Variants in SAXO1 observed in about 807,000 individuals in gnomAD.
SAXO1 encodes stabilizer of axonemal microtubules 1.
In SAXO1, 21 loss-of-function variants were observed where a neutral mutation model predicts 17.5. That is an observed-to-expected ratio of 1.20 (90% CI 0.85 to 1.72). The LOEUF (loss-of-function observed/expected upper bound fraction) is 1.72. Ranked by LOEUF, SAXO1 falls within the 40% of genes most tolerant of loss-of-function variation. The pLI, the probability that SAXO1 is intolerant of heterozygous loss-of-function variation, is 0.00. For synonymous variants in SAXO1, 274 were observed against 216.5 expected (o/e 1.27, Z -2.33); for missense variants, 843 against 596.0 (o/e 1.41, Z -4.32).
chr9:18,994,202 G>C lies in SAXO1; in HGVS notation c.38+38669C>G, dbSNP rs1269556162. On this transcript the variant is annotated intron_variant, in intron 1 of 3. Coordinates refer to ENST00000380534, the MANE Select transcript of SAXO1 (RefSeq NM_153707.4). ...AAAAATGGAAGTGATCATGCCACCA[G>C]CAAGGGTAGCTATGCCTATGTGGGT... is the stretch of plus-strand genomic sequence containing the variant. 2.6e-5 allele frequency among the ~76,000 whole-genome samples: 4 copies of C among 152,174 alleles called. No individual in the cohort carries two copies. In the East Asian group the frequency reaches 7.7e-4, roughly 29 times the overall value.
intron 3 of SAXO1, among the ~76,000 whole-genome samples, chr9:18,936,809 T>C (rs1831313555): frequency 6.6e-6 from 1 of 152,196 alleles, no homozygotes; most frequent in Non-Finnish European, 1.5e-5. Context: ...TCTCAATCTT[T>C]CCAATTGCAC....
intron 3 of SAXO1, among the ~76,000 whole-genome samples, chr9:18,935,346 T>C (rs1476734154): frequency 6.6e-6 from 1 of 152,158 alleles, no homozygotes; most frequent in East Asian, 1.9e-4. Context: ...GAAAAACACA[T>C]ACAAAGATCA....
At chr9:18,942,156 C>T (rs1831589060) in intron 2 of SAXO1, among the ~76,000 whole-genome samples, 1 of 152,198 alleles carries the variant, frequency 6.6e-6, no homozygotes, top group Non-Finnish European at 1.5e-5. Flanking sequence ...TTCTCACTAA[C>T]AGCCTGCCAC....
intron 1 of SAXO1, among the ~76,000 whole-genome samples, chr9:18,996,977 C>G (rs1588501247): frequency 2.0e-5 from 3 of 152,118 alleles, no homozygotes; most frequent in African/African-American, 7.2e-5. Flanking sequence ...GGAGGCACTT[C>G]CAAGATGGCC....
chr9:18,981,651 T>G (rs773711601), intron 1 of SAXO1, among the ~76,000 whole-genome samples: 1 of 152,176 alleles, frequency 6.6e-6, no homozygotes, highest in Non-Finnish European at 1.5e-5. Flanking sequence ...CATTCACAAA[T>G]GGGGGTGATA....
chr9:18,979,799 C>G (rs1833295676), intron 1 of SAXO1, among the ~76,000 whole-genome samples: 1 of 152,152 alleles, frequency 6.6e-6, no homozygotes, highest in African/African-American at 2.4e-5. Flanking sequence ...TATGATTGTA[C>G]CACTGCACTA....
chr9:19,007,513 C>G (rs1000275277), intron 1 of SAXO1, among the ~76,000 whole-genome samples: 1 of 152,194 alleles, frequency 6.6e-6, no homozygotes, highest in African/African-American at 2.4e-5. Flanking sequence ...AAGTCTGACT[C>G]CCTTCTTTTA....
At chr9:19,043,722 C>A (rs1225178256) in intron 1 of SAXO1, among the ~76,000 whole-genome samples, 1 of 151,370 alleles carries the variant, frequency 6.6e-6, no homozygotes, top group Admixed American at 6.6e-5. Context: ...GAGCAGTGAT[C>A]ACAACACTGC....
At chr9:19,042,566 G>C (rs1387822071) in intron 1 of SAXO1, among the ~76,000 whole-genome samples, 1 of 152,198 alleles carries the variant, frequency 6.6e-6, no homozygotes, top group African/African-American at 2.4e-5. Flanking sequence ...CAGATAAATA[G>C]ATATAGAAAA....
At chr9:18,986,721 G>C (rs530727688) in intron 1 of SAXO1, among the ~76,000 whole-genome samples, 1 of 151,836 alleles carries the variant, frequency 6.6e-6, no homozygotes, top group East Asian at 1.9e-4. Flanking sequence ...AGGAAGCAAG[G>C]GGGCAAAGAC....
Position 19,013,802 on chromosome 9 carries a change from C to T in SAXO1, c.38+19069G>A, listed in dbSNP as rs908824213. On this transcript the variant is annotated intron_variant, in intron 1 of 3. Transcript: ENST00000380534. ...CCTCAGGTGATCCACCCGCCTCGGCCTCCCAAAGTGTTAGGATTACAGGTG... is the reference window on the plus strand; with the variant it reads ...CCTCAGGTGATCCACCCGCCTCGGCTTCCCAAAGTGTTAGGATTACAGGTG... 2.0e-5 allele frequency among the ~76,000 whole-genome samples: 3 copies of T among 152,084 alleles called. 1 individual carries two copies. Among genetic ancestry groups the T allele is most frequent in the African/African-American group, 7.2e-5 (3 of 41,404 alleles).
intron 1 of SAXO1, among the ~76,000 whole-genome samples, chr9:18,958,122 G>C (rs1233259929): frequency 6.6e-6 from 1 of 152,100 alleles, no homozygotes; most frequent in Non-Finnish European, 1.5e-5. Context: ...GAAATGATCA[G>C]GGATCATAAA....
intron 1 of SAXO1, among the ~76,000 whole-genome samples, chr9:18,998,550 T>A (rs1246275800): frequency 6.6e-6 from 1 of 152,160 alleles, no homozygotes; most frequent in East Asian, 1.9e-4. Context: ...TTCGGGATAT[T>A]ATCCAGAAGA....
At chr9:18,937,207 G>A (rs982844060) in intron 3 of SAXO1, among the ~76,000 whole-genome samples, 9 of 152,224 alleles carry the variant, frequency 5.9e-5, no homozygotes, top group African/African-American at 1.9e-4. Flanking sequence ...GGGTTATTAA[G>A]GACTGACCCA....
upstream of SAXO1, among the ~76,000 whole-genome samples, chr9:19,034,066 A>C (rs1243658782): frequency 2.0e-5 from 3 of 152,246 alleles, no homozygotes; most frequent in Non-Finnish European, 4.4e-5. Flanking sequence ...GTCATGAAGC[A>C]AGTTCAAAAG....
Position 18,984,924 on chromosome 9 carries a change from G to C in SAXO1, c.39-33987C>G, listed in dbSNP as rs566672570. ...CTAAGCTTAATTGTTTTGAGCTGTT[G>C]ATTTAAAGTGATAGAGGTGCGACTC... is the stretch of plus-strand genomic sequence containing the variant. On this transcript the variant is annotated intron_variant, in intron 1 of 3. Coordinates refer to ENST00000380534, the MANE Select transcript of SAXO1 (RefSeq NM_153707.4). Among the ~76,000 whole-genome samples, 27 of 152,208 alleles carry C rather than the reference G, an allele frequency of 1.8e-4. 1 individual carries two copies. Among genetic ancestry groups the C allele is most frequent in the African/African-American group, 6.5e-4 (27 of 41,524 alleles).
intron 1 of SAXO1, among the ~76,000 whole-genome samples, chr9:18,996,681 G>T (rs1268836684): frequency 6.6e-6 from 1 of 151,946 alleles, no homozygotes; most frequent in Non-Finnish European, 1.5e-5. Context: ...ACTAGAAATA[G>T]AAACGTCATA....
At chr9:18,941,321 A>AT (rs1831545799) in intron 3 of SAXO1, among the ~76,000 whole-genome samples, 1 of 149,708 alleles carries the variant, frequency 6.7e-6, no homozygotes. Flanking sequence ...TAAAAAAAAA[A>AT]GTAGCCATCG....
Position 18,928,022 on chromosome 9 carries a change from G to T in SAXO1, c.*30C>A. 2.0e-6 allele frequency: 3 copies of T among 1,524,360 alleles called. No homozygotes were observed. Among genetic ancestry groups the T allele is most frequent in the Non-Finnish European group, 2.7e-6 (3 of 1,131,768 alleles). The allele number at this position is 1,524,360 out of a possible 1,614,324, so 94.4% of individuals were successfully genotyped here. A position where few individuals can be genotyped will look rare whatever the true frequency, so the allele number is the denominator to read the frequency against. On this transcript the variant is annotated 3_prime_UTR_variant, in exon 4 of 4. Coordinates refer to ENST00000380534, the MANE Select transcript of SAXO1 (RefSeq NM_153707.4). ...TCAGTTGTCTGCTTTTAAAAGTACT[G>T]TGTAATTTCTAAATTACTATTTTTC...
Sources: allele counts gnomAD v4.1 joint callset (sites outside exome capture counted in the v4.1 genomes callset), GRCh38; gene constraint gnomAD v4.1.1; transcripts MANE v1.5; gene names NCBI Gene and HGNC (gene_info 2026-07-23, HGNC 2026-07-21).